The following ZC3H12B variants were observed in gnomAD, a reference collection of about 807,000 sequenced individuals.
The protein encoded by ZC3H12B is zinc finger CCCH-type containing 12B.
ZC3H12B carries 7 observed loss-of-function variants against 43.9 expected under a neutral mutation model. That is an observed-to-expected ratio of 0.16 (90% CI 0.09 to 0.30). The LOEUF (loss-of-function observed/expected upper bound fraction) is 0.30. Among genes scored for constraint, ZC3H12B ranks in the 10% least tolerant of loss-of-function variants. The pLI is 1.00. For missense variants in ZC3H12B, 475 were observed against 670.2 expected, an observed-to-expected ratio of 0.71 and a Z score of 3.22; for synonymous variants, 222 against 241.7, an observed-to-expected ratio of 0.92 and a Z score of 0.76.
At chrX:65,403,528 T>TAATC (rs964202638) in intron 3 of ZC3H12B, among the ~76,000 whole-genome samples, 5 of 111,687 alleles carry the variant, frequency 4.5e-5, no homozygotes, top group African/African-American at 1.6e-4. Flanking sequence ...AGGCATTTAA[T>TAATC]AATCAAACTT....
the ZC3H12B span, among the ~76,000 whole-genome samples, chrX:65,266,778 G>T: frequency 9.0e-6 from 1 of 111,218 alleles, no homozygotes; most frequent in Non-Finnish European, 1.9e-5. Flanking sequence ...GCAAGGGTTT[G>T]CCTTTGTTTC....
chrX:65,413,121 C>T (rs1006281280), intron 3 of ZC3H12B, among the ~76,000 whole-genome samples: 1 of 110,340 alleles, frequency 9.1e-6, no homozygotes. Flanking sequence ...AAATCCTTTC[C>T]CCATTTTTTT....
At chrX:65,226,940 T>G in the ZC3H12B span, among the ~76,000 whole-genome samples, 1 of 110,865 alleles carries the variant, frequency 9.0e-6, no homozygotes, top group Non-Finnish European at 1.9e-5. Flanking sequence ...ATGGGAGACT[T>G]TAACACCCCA....
the ZC3H12B span, among the ~76,000 whole-genome samples, chrX:65,119,900 G>C: frequency 8.9e-6 from 1 of 111,942 alleles, no homozygotes; most frequent in Non-Finnish European, 1.9e-5. Context: ...TTATTAAATA[G>C]GGAACCCTTT....
the ZC3H12B span, among the ~76,000 whole-genome samples, chrX:65,141,467 C>T: frequency 9.2e-6 from 1 of 109,265 alleles, no homozygotes; most frequent in Non-Finnish European, 1.9e-5. Context: ...ATTTATTTCC[C>T]TTCAGTAGCT....
chrX:65,212,713 C>CATATATATATCATATATAAAT, the ZC3H12B span, among the ~76,000 whole-genome samples: 1 of 87,515 alleles, frequency 1.1e-5, no homozygotes, highest in South Asian at 4.9e-4. Context: ...ATTTATATAT[C>CATATATATATCATATATAAAT]ATATATATAT....
chrX:65,155,817 T>C, the ZC3H12B span, among the ~76,000 whole-genome samples: 25 of 110,256 alleles, frequency 2.3e-4, 1 homozygote, highest in Non-Finnish European at 7.6e-5. Flanking sequence ...CATGATCACA[T>C]CACTGCACTC....
At chrX:65,291,113 C>G in the ZC3H12B span, among the ~76,000 whole-genome samples, 1 of 110,990 alleles carries the variant, frequency 9.0e-6, no homozygotes, top group Non-Finnish European at 1.9e-5. Flanking sequence ...CACTTCACAT[C>G]TTTTGTGATG....
At chrX:65,345,147 G>A in the ZC3H12B span, among the ~76,000 whole-genome samples, 8 of 112,221 alleles carry the variant, frequency 7.1e-5, no homozygotes, top group South Asian at 1.5e-3. Context: ...TCATTTCCAC[G>A]AAGAGCTAAA....
the ZC3H12B span, among the ~76,000 whole-genome samples, chrX:65,277,773 A>G: frequency 8.9e-6 from 1 of 111,897 alleles, no homozygotes; most frequent in Non-Finnish European, 1.9e-5. Context: ...GAAAGATTAC[A>G]AATGAACCAT....
At position 65,432,506 on chromosome X, in the gene ZC3H12B, G is replaced by T. The variant is rs759635778; in HGVS notation, n.407+33802G>T. 2.7e-5 allele frequency among the ~76,000 whole-genome samples: 3 copies of T among 111,912 alleles called. No homozygotes were observed. In the Admixed American group the frequency reaches 2.9e-4, roughly 11 times the overall value. ...GCATCTGCCATATATTATGGCTCAT[G>T]TGGAAGAGAAACTTGGAGGGCAACC... On this transcript the variant is annotated intron_variant and non_coding_transcript_variant, in intron 3 of 5. Coordinates refer to the ZC3H12B transcript ENST00000617377.
the ZC3H12B span, among the ~76,000 whole-genome samples, chrX:65,164,891 A>T: frequency 8.9e-6 from 1 of 112,233 alleles, no homozygotes; most frequent in Non-Finnish European, 1.9e-5. Context: ...TCTTGAAAAT[A>T]TTAACAAGAG....
chrX:65,346,016 A>T, the ZC3H12B span, among the ~76,000 whole-genome samples: 1 of 111,788 alleles, frequency 8.9e-6, no homozygotes, highest in Non-Finnish European at 1.9e-5. Context: ...ACTGGAAAAA[A>T]AATCAATATT....
At chrX:65,306,521 C>T in the ZC3H12B span, among the ~76,000 whole-genome samples, 2 of 110,767 alleles carry the variant, frequency 1.8e-5, no homozygotes, top group African/African-American at 6.6e-5. Context: ...TACAGGCACA[C>T]GCTGCCACGC....
intron 3 of ZC3H12B, among the ~76,000 whole-genome samples, chrX:65,457,039 G>A (rs1313699908): frequency 2.0e-5 from 2 of 98,664 alleles, no homozygotes; most frequent in Non-Finnish European, 2.0e-5. Context: ...GAAGTGAGGA[G>A]CGTCTCTGCC....
At chrX:65,480,532 G>C (rs912165047) in intron 3 of ZC3H12B, among the ~76,000 whole-genome samples, 2 of 112,185 alleles carry the variant, frequency 1.8e-5, no homozygotes, top group African/African-American at 6.5e-5. Context: ...AGGCTTCTAT[G>C]AGTATGCCAG....
the ZC3H12B span, among the ~76,000 whole-genome samples, chrX:65,091,988 C>T: frequency 6.1e-4 from 68 of 111,472 alleles, no homozygotes; most frequent in African/African-American, 1.9e-3. Context: ...GGGGGTGAAT[C>T]CTTTATAATT....
chrX:65,356,399 G>A, the ZC3H12B span, among the ~76,000 whole-genome samples: 3 of 111,662 alleles, frequency 2.7e-5, no homozygotes, highest in African/African-American at 9.8e-5. Context: ...TTTTTCCTAA[G>A]CACACAAAAA....
the ZC3H12B span, among the ~76,000 whole-genome samples, chrX:65,058,890 A>G: frequency 8.9e-6 from 1 of 112,064 alleles, no homozygotes; most frequent in South Asian, 3.7e-4. Flanking sequence ...GCGGGATATA[A>G]TCTTCTGGTG....
Sources: allele counts gnomAD v4.1 joint callset (sites outside exome capture counted in the v4.1 genomes callset), GRCh38; gene constraint gnomAD v4.1.1; transcripts MANE v1.5; gene names NCBI Gene and HGNC (gene_info 2026-07-23, HGNC 2026-07-21).